Variants in PBX3 observed in about 807,000 individuals in gnomAD.
PBX3 encodes the protein pre-B-cell leukemia transcription factor 3.
Under a neutral mutation model 48.5 loss-of-function variants are expected in PBX3, and 14 were observed. The observed-to-expected ratio is 0.29, with a 90% CI of 0.19 to 0.45. PBX3 has a LOEUF of 0.45. Among genes scored for constraint, PBX3 ranks in the 20% least tolerant of loss-of-function variants. The pLI is 1.00. For missense variants in PBX3, 386 were observed against 546.7 expected, an observed-to-expected ratio of 0.71 and a Z score of 2.93; for synonymous variants, 210 against 200.3, an observed-to-expected ratio of 1.05 and a Z score of -0.41.
intron 2 of PBX3, among the ~76,000 whole-genome samples, chr9:125,775,343 C>CT (rs539792509): frequency 7.4e-4 from 112 of 152,200 alleles, no homozygotes; most frequent in African/African-American, 2.6e-3. Context: ...CTGTTCAAAT[C>CT]TTTTGCCCAT....
In PBX3 at chr9:125,929,760, C is replaced by A. The variant is rs866234715; in HGVS notation, c.622C>A (p.Arg208=). The A allele has an allele frequency of 1.9e-6, 3 of 1,613,612 alleles. No individual in the cohort carries two copies. The highest frequency in any genetic ancestry group is 1.3e-5 in the African/African-American group (1 of 74,860). ...TGAAAGAATGGTGGGCATCATCCATCGAAAATTTAGTTCCATTCAGATGCA... is the reference window on the plus strand; with the variant it reads ...TGAAAGAATGGTGGGCATCATCCATAGAAAATTTAGTTCCATTCAGATGCA... ...EIERMVGIIH[R]KFSSIQMQLK... Residue 208 remains arginine (R), a synonymous_variant, in exon 4 of 9, where the codon CGA becomes AGA. Transcript: ENST00000373489.
At chr9:125,944,320 G>A (rs1190965537) in intron 5 of PBX3, among the ~76,000 whole-genome samples, 2 of 152,214 alleles carry the variant, frequency 1.3e-5, no homozygotes, top group Non-Finnish European at 2.9e-5. Flanking sequence ...GTTTAAATAA[G>A]TTAATTTGAT....
At chr9:125,934,544 G>A (rs1319599643) in intron 4 of PBX3, among the ~76,000 whole-genome samples, 1 of 152,116 alleles carries the variant, frequency 6.6e-6, no homozygotes, top group African/African-American at 2.4e-5. Flanking sequence ...GAAATATGTT[G>A]TTAATAAATG....
At chr9:125,816,158 G>C (rs756175509) in intron 2 of PBX3, among the ~76,000 whole-genome samples, 2 of 151,878 alleles carry the variant, frequency 1.3e-5, no homozygotes, top group Non-Finnish European at 2.9e-5. Flanking sequence ...GGCTAATTTT[G>C]GTTTTTGTTT....
chr9:125,768,957 C>G (rs190273611), intron 2 of PBX3, among the ~76,000 whole-genome samples: 1 of 152,122 alleles, frequency 6.6e-6, no homozygotes, highest in African/African-American at 2.4e-5. Context: ...GCTGAAATAA[C>G]CATAATTTGT....
rs1169474854 is a variant in PBX3, at chr9:125,873,956, CA to C, written c.275-41724del. On this transcript the variant is annotated intron_variant, in intron 2 of 8. Coordinates refer to ENST00000373489, the MANE Select transcript of PBX3 (RefSeq NM_006195.6). ...CTGGTAAAGATTTATCAAATGCAAA[CA>C]AAAAAGAAGGAAAGAAGGAAAAGAT... Among the ~76,000 whole-genome samples, 8 of 151,328 alleles carry C rather than the reference CA, an allele frequency of 5.3e-5. No individual in the cohort carries two copies. In the South Asian group the frequency reaches 1.3e-3, roughly 24 times the overall value.
chr9:125,875,313 G>C (rs1406598460), intron 2 of PBX3, among the ~76,000 whole-genome samples: 1 of 152,022 alleles, frequency 6.6e-6, no homozygotes, highest in Non-Finnish European at 1.5e-5. Context: ...TATAATGTAA[G>C]CACTTTCCAT....
intron 2 of PBX3, among the ~76,000 whole-genome samples, chr9:125,869,381 C>A (rs912240391): frequency 3.9e-5 from 6 of 152,106 alleles, no homozygotes; most frequent in Admixed American, 2.0e-4. Context: ...GAGAATATGT[C>A]AGAATTGATG....
At chr9:125,864,102 G>A (rs1363967977) in intron 2 of PBX3, among the ~76,000 whole-genome samples, 1 of 152,164 alleles carries the variant, frequency 6.6e-6, no homozygotes, top group African/African-American at 2.4e-5. Flanking sequence ...AGACTAAACA[G>A]AATATTGCAG....
intron 2 of PBX3, among the ~76,000 whole-genome samples, chr9:125,853,319 C>A (rs565300264): frequency 6.6e-6 from 1 of 152,098 alleles, no homozygotes; most frequent in East Asian, 1.9e-4. Context: ...GATGCTTTTT[C>A]TAGGAACGGT....
intron 2 of PBX3, among the ~76,000 whole-genome samples, chr9:125,884,403 A>G (rs1840451216): frequency 6.6e-6 from 1 of 152,232 alleles, no homozygotes; most frequent in South Asian, 2.1e-4. Flanking sequence ...GCTTTTATGC[A>G]TTCATAGGTT....
At chr9:125,776,982 C>G (rs1188898264) in intron 2 of PBX3, among the ~76,000 whole-genome samples, 1 of 151,094 alleles carries the variant, frequency 6.6e-6, no homozygotes, top group African/African-American at 2.4e-5. Flanking sequence ...TGAGCCACTG[C>G]GCCTGGCTGA....
intron 3 of PBX3, among the ~76,000 whole-genome samples, chr9:125,922,810 G>A (rs778349163): frequency 1.2e-4 from 18 of 152,132 alleles, no homozygotes; most frequent in South Asian, 4.1e-4. Flanking sequence ...TACAGATGAT[G>A]CTGAAATGAG....
intron 3 of PBX3, among the ~76,000 whole-genome samples, chr9:125,920,207 G>T (rs565651711): frequency 6.6e-6 from 1 of 152,136 alleles, no homozygotes; most frequent in African/African-American, 2.4e-5. Flanking sequence ...CTTCGTCTTG[G>T]GTACATTGCC....
intron 2 of PBX3, among the ~76,000 whole-genome samples, chr9:125,899,945 A>T (rs1333811563): frequency 6.6e-6 from 1 of 151,852 alleles, no homozygotes; most frequent in African/African-American, 2.4e-5. Flanking sequence ...AAACCAGAGT[A>T]ATTCTGAATG....
At chr9:125,785,994 T>A (rs1837448284) in intron 2 of PBX3, among the ~76,000 whole-genome samples, 1 of 150,294 alleles carries the variant, frequency 6.7e-6, no homozygotes, top group South Asian at 2.2e-4. Flanking sequence ...AACCTTTGAC[T>A]ATTTTCTAGC....
chr9:125,845,178 A>C (rs1048191215), intron 2 of PBX3, among the ~76,000 whole-genome samples: 2 of 152,092 alleles, frequency 1.3e-5, no homozygotes, highest in Non-Finnish European at 2.9e-5. Flanking sequence ...GAAATTCCCT[A>C]ACCGGTATAC....
intron 2 of PBX3, among the ~76,000 whole-genome samples, chr9:125,910,660 G>A (rs754500920): frequency 5.9e-5 from 9 of 151,524 alleles, no homozygotes; most frequent in Middle Eastern, 3.4e-3. Flanking sequence ...CTTGTAATAT[G>A]ACTGCCATAT....
In PBX3 at chr9:125,789,288, A is replaced by T. The variant is rs534798432; in HGVS notation, c.274+40665A>T. 2.6e-4 allele frequency among the ~76,000 whole-genome samples: 40 copies of T among 152,328 alleles called. 1 individual carries two copies. The South Asian group carries it at 7.7e-3, about 29-fold the overall frequency. ...GAAAACAGCAAACATTTATCATCTC[A>T]TGGTTTCTGTGGGTTAGATAGCTAG... On this transcript the variant is annotated intron_variant, in intron 2 of 8. Transcript: ENST00000373489.
Sources: allele counts gnomAD v4.1 joint callset (sites outside exome capture counted in the v4.1 genomes callset), GRCh38; gene constraint gnomAD v4.1.1; transcripts MANE v1.5; gene names NCBI Gene and HGNC (gene_info 2026-07-23, HGNC 2026-07-21).